SETBP1: variants seen among roughly 807,000 people sequenced by gnomAD.
SETBP1 encodes the protein SET-binding protein.
In SETBP1, 9 loss-of-function variants were observed where a neutral mutation model predicts 101.0. That is an observed-to-expected ratio of 0.09 (90% confidence interval 0.05 to 0.16). SETBP1 has a LOEUF of 0.16. Ranked by LOEUF, SETBP1 falls within the 10% of genes least tolerant of loss-of-function variation. The pLI is 1.00. For missense variants in SETBP1, 1,858 were observed against 2,033.8 expected (o/e 0.91, Z 1.66); for synonymous variants, 818 against 788.5 (o/e 1.04, Z -0.63).
At chr18:44,767,254 T>C (rs1187069123) in intron 2 of SETBP1, among the ~76,000 whole-genome samples, 1 of 152,202 alleles carries the variant, frequency 6.6e-6, no homozygotes, top group Non-Finnish European at 1.5e-5. Flanking sequence ...GGTTCTACAG[T>C]CCTTTATTCC....
intron 4 of SETBP1, among the ~76,000 whole-genome samples, chr18:45,014,809 A>G (rs186544662): frequency 1.3e-5 from 2 of 152,328 alleles, no homozygotes; most frequent in East Asian, 3.9e-4. Context: ...GCTCCAACAA[A>G]TAGACTTGTT....
chr18:44,856,564 T>C (rs2072981226), intron 2 of SETBP1, among the ~76,000 whole-genome samples: 1 of 152,242 alleles, frequency 6.6e-6, no homozygotes, highest in African/African-American at 2.4e-5. Flanking sequence ...TTTTGTTATA[T>C]TAAAAATGCT....
At chr18:44,826,288 G>A (rs534837959) in intron 2 of SETBP1, among the ~76,000 whole-genome samples, 8 of 151,952 alleles carry the variant, frequency 5.3e-5, no homozygotes, top group East Asian at 1.9e-4. Context: ...CCCCTTTTTC[G>A]CCTCTCCTGC....
At chr18:44,718,463 T>C (rs1465119109) in intron 2 of SETBP1, among the ~76,000 whole-genome samples, 1 of 149,934 alleles carries the variant, frequency 6.7e-6, no homozygotes, top group Non-Finnish European at 1.5e-5. Flanking sequence ...CTGAGAAAGA[T>C]GTCCTAGTAG....
At chr18:44,697,509 TAC>T (rs1381844341) in intron 1 of SETBP1, among the ~76,000 whole-genome samples, 1 of 152,230 alleles carries the variant, frequency 6.6e-6, no homozygotes, top group East Asian at 1.9e-4. Flanking sequence ...TAATTTGAAC[TAC>T]ACGACTTTGA....
intron 4 of SETBP1, among the ~76,000 whole-genome samples, chr18:44,993,942 C>A (rs1415625947): frequency 1.3e-5 from 2 of 152,022 alleles, no homozygotes; most frequent in Non-Finnish European, 2.9e-5. Context: ...TAGAGCAACA[C>A]TTTATGGCCC....
intron 2 of SETBP1, among the ~76,000 whole-genome samples, chr18:44,742,266 C>A (rs1160252136): frequency 6.6e-6 from 1 of 152,154 alleles, no homozygotes; most frequent in African/African-American, 2.4e-5. Flanking sequence ...GATCTCAGCC[C>A]CGCACCCCGG....
intron 2 of SETBP1, among the ~76,000 whole-genome samples, chr18:44,776,146 G>C (rs2070997241): frequency 6.6e-6 from 1 of 152,200 alleles, no homozygotes; most frequent in Non-Finnish European, 1.5e-5. Context: ...TGAAGGTACT[G>C]TGGACAGGCA....
chr18:44,921,763 G>C (rs1249232110), intron 3 of SETBP1, among the ~76,000 whole-genome samples: 4 of 152,124 alleles, frequency 2.6e-5, no homozygotes, highest in Non-Finnish European at 5.9e-5. Flanking sequence ...TACAGAATGA[G>C]TATCGTGGGG....
At position 44,951,542 on chromosome 18, in the gene SETBP1, G is replaced by C; in HGVS notation, c.2202G>C (p.Glu734Asp). 6.2e-7 allele frequency: 1 copy of C among 1,614,118 alleles called. No homozygotes were observed. ...AGCGGGGCAGGAAGCCAAGAGCAGAGCTGCCACCCCCATCCGAAGAACCCA... is the reference window on the plus strand; with the variant it reads ...AGCGGGGCAGGAAGCCAAGAGCAGACCTGCCACCCCCATCCGAAGAACCCA... ...GKKRGRKPRA[E>D]LPPPSEEPKT... Residue 734 changes from glutamate (E) to aspartate (D), a missense_variant, in exon 4 of 6, where the codon GAG (glutamate) becomes GAC (aspartate). Around this residue, in one of 12 missense-constraint regions of SETBP1, gnomAD observed 121 missense variants for 138.0 expected, o/e 0.88. Transcript: ENST00000649279. The surrounding 1 kb of genome is among the most constrained non-coding windows in gnomAD (Gnocchi z 7.8).
chr18:44,698,840 A>G (rs534218825), intron 1 of SETBP1, among the ~76,000 whole-genome samples: 1 of 152,166 alleles, frequency 6.6e-6, no homozygotes, highest in African/African-American at 2.4e-5. Flanking sequence ...ACAGAAAAAA[A>G]TTTTTTGTAT....
chr18:44,873,339 G>A (rs2069322134), intron 3 of SETBP1, among the ~76,000 whole-genome samples: 1 of 152,208 alleles, frequency 6.6e-6, no homozygotes. Context: ...GAGTTGTGCA[G>A]CTTATTTCAC....
At chr18:44,738,624 A>G (rs894096426) in intron 2 of SETBP1, among the ~76,000 whole-genome samples, 1 of 151,958 alleles carries the variant, frequency 6.6e-6, no homozygotes, top group African/African-American at 2.4e-5. Context: ...AAATACAAAA[A>G]CTAGCTGGGT....
At chr18:44,967,604 G>C (rs927473812) in intron 4 of SETBP1, among the ~76,000 whole-genome samples, 11 of 152,248 alleles carry the variant, frequency 7.2e-5, no homozygotes, top group African/African-American at 2.6e-4. Context: ...TCCTCACTAG[G>C]GGCCCTGGAG....
At chr18:44,861,700 C>G (rs1192389603) in intron 2 of SETBP1, among the ~76,000 whole-genome samples, 7 of 152,154 alleles carry the variant, frequency 4.6e-5, no homozygotes, top group Non-Finnish European at 1.0e-4. Context: ...CTACTTTAGT[C>G]TCTTGAGCCA....
intron 2 of SETBP1, among the ~76,000 whole-genome samples, chr18:44,712,258 G>A (rs1404364468): frequency 1.3e-5 from 2 of 152,216 alleles, no homozygotes; most frequent in Non-Finnish European, 2.9e-5. Context: ...GAGGTTGGGG[G>A]TGGGTAGGAA....
intron 2 of SETBP1, among the ~76,000 whole-genome samples, chr18:44,764,298 G>A (rs1291316180): frequency 6.6e-6 from 1 of 152,196 alleles, no homozygotes; most frequent in Non-Finnish European, 1.5e-5. Flanking sequence ...GACACCTGCA[G>A]TACTTGCCCC....
chr18:45,012,699 T>C (rs1452834351), intron 4 of SETBP1, among the ~76,000 whole-genome samples: 1 of 152,184 alleles, frequency 6.6e-6, no homozygotes, highest in Non-Finnish European at 1.5e-5. Flanking sequence ...AATAAAATCA[T>C]GTCTTTTGCA....
chr18:44,945,951 T>G (rs1334430353), intron 3 of SETBP1, among the ~76,000 whole-genome samples: 1 of 152,194 alleles, frequency 6.6e-6, no homozygotes, highest in Non-Finnish European at 1.5e-5. Flanking sequence ...TCTGTCTGGA[T>G]GGAGTAAGTG....
Sources: gnomAD v4.1 joint callset for allele counts (sites outside exome capture counted in the v4.1 genomes callset) on GRCh38, gnomAD v4.1.1 for gene constraint, gnomAD v4.1.1 regional missense constraint, Gnocchi (gnomAD v3.1) non-coding constraint, MANE v1.5 for transcripts, NCBI Gene and HGNC (gene_info 2026-07-23, HGNC 2026-07-21) for gene names.